The following CPE variants were observed in gnomAD, a reference collection of about 807,000 sequenced individuals.
The protein encoded by CPE is carboxypeptidase E.
Under a neutral mutation model 53.5 loss-of-function variants are expected in CPE, and 17 were observed. The ratio of observed to expected loss-of-function variants is 0.32; its 90% confidence interval spans 0.22 to 0.48. The LOEUF (loss-of-function observed/expected upper bound fraction) is 0.48. Among genes scored for constraint, CPE ranks in the 20% least tolerant of loss-of-function variants. The pLI is 0.99. For synonymous variants in CPE, 226 were observed against 228.8 expected, an observed-to-expected ratio of 0.99 and a Z score of 0.11; for missense variants, 524 against 614.7, an observed-to-expected ratio of 0.85 and a Z score of 1.56.
At chr4:165,495,743 C>A in intron 8 of CPE, 66 bp downstream of exon 8, 2 of 1,138,070 alleles carry the variant, frequency 1.8e-6, no homozygotes, top group Non-Finnish European at 2.6e-6. Context: ...GTCAGGCATA[C>A]TGAAGTGATT....
In CPE at chr4:165,445,873, A is replaced by G. The variant is rs866519683; in HGVS notation, c.308-18517A>G. On this transcript the variant is annotated intron_variant, in intron 1 of 8. Transcript: ENST00000402744. The stretch of plus-strand genomic sequence containing the variant: ...CTACTGGCTATTAATACATGGTTCT[A>G]AGATTCTTTTAGCAAAACAGCTTGA... 3.3e-5 allele frequency among the ~76,000 whole-genome samples: 5 copies of G among 152,096 alleles called. No individual in the cohort carries two copies. In the South Asian group the frequency reaches 1.0e-3, roughly 32 times the overall value.
intron 5 of CPE, among the ~76,000 whole-genome samples, chr4:165,486,207 G>GT (rs1296271710): frequency 3.0e-5 from 4 of 133,410 alleles, no homozygotes; most frequent in East Asian, 2.3e-4. Context: ...TGGAAAAGGG[G>GT]TGGGGGGGTA....
intron 1 of CPE, among the ~76,000 whole-genome samples, chr4:165,409,158 A>G (rs1221353009): frequency 6.6e-6 from 1 of 152,148 alleles, no homozygotes; most frequent in Non-Finnish European, 1.5e-5. Flanking sequence ...GAGAGCACTT[A>G]AGTGTCAGAT....
chr4:165,485,688 ATAAAG>A (rs1434730963), intron 5 of CPE, among the ~76,000 whole-genome samples: 12 of 152,210 alleles, frequency 7.9e-5, no homozygotes, highest in Admixed American at 5.2e-4. Context: ...TCAACAAAAT[ATAAAG>A]TAATCTATAT....
intron 1 of CPE, among the ~76,000 whole-genome samples, chr4:165,416,613 G>T (rs899899607): frequency 1.3e-5 from 2 of 151,652 alleles, no homozygotes; most frequent in African/African-American, 4.8e-5. Context: ...CGTTTCCTCT[G>T]CTTGGACTGG....
chr4:165,494,022 T>C (rs956458008), intron 7 of CPE, among the ~76,000 whole-genome samples: 2 of 152,246 alleles, frequency 1.3e-5, no homozygotes, highest in South Asian at 2.1e-4. Flanking sequence ...CTTTAACTTA[T>C]GTCCCAAACC....
chr4:165,386,110 T>C (rs11100610), intron 1 of CPE: 204,896 of 372,180 alleles, frequency 0.55, 58,720 homozygotes, highest in African/African-American at 0.77. Flanking sequence ...CTTCTCTCTA[T>C]CTCCCAAATT....
chr4:165,396,321 G>GGGCTTCTGC (rs1730766071), intron 1 of CPE, among the ~76,000 whole-genome samples: 1 of 152,114 alleles, frequency 6.6e-6, no homozygotes, highest in Non-Finnish European at 1.5e-5. Flanking sequence ...CTTTGAGATA[G>GGGCTTCTGC]ATCTAAAGAA....
intron 1 of CPE, among the ~76,000 whole-genome samples, chr4:165,450,494 C>T (rs888718347): frequency 6.6e-6 from 1 of 151,990 alleles, no homozygotes; most frequent in Non-Finnish European, 1.5e-5. Flanking sequence ...GTGAGAGAAC[C>T]ATAAACAAAA....
At chr4:165,424,125 A>AT (rs71602591) in intron 1 of CPE, among the ~76,000 whole-genome samples, 161 of 150,534 alleles carry the variant, frequency 1.1e-3, no homozygotes, top group Middle Eastern at 0.01. Context: ...TTCTTGCTGC[A>AT]TTTTTTTTTA....
At position 165,459,201 on chromosome 4, in the gene CPE, A is replaced by T. The variant is rs117264281; in HGVS notation, c.308-5189A>T. Among the ~76,000 whole-genome samples, 235 of 152,370 alleles carry T rather than the reference A, an allele frequency of 1.5e-3. 5 individuals are homozygous for T. In the East Asian group the frequency reaches 0.044, roughly 28 times the overall value. On this transcript the variant is annotated intron_variant, in intron 1 of 8. Transcript: ENST00000402744. Reference sequence around the variant, plus strand: ...TACAAATTGGGGCAAATTAAGAGTTACAAGTCTGGACTTAAAATCATTTGC... The same window carrying T: ...TACAAATTGGGGCAAATTAAGAGTTTCAAGTCTGGACTTAAAATCATTTGC...
intron 1 of CPE, among the ~76,000 whole-genome samples, chr4:165,431,880 A>G (rs556579862): frequency 6.6e-6 from 1 of 152,316 alleles, no homozygotes; most frequent in African/African-American, 2.4e-5. Context: ...TAAAGCAGAC[A>G]TTCCTATGTG....
At chr4:165,387,311 C>T (rs567240864) in intron 1 of CPE, among the ~76,000 whole-genome samples, 33 of 152,178 alleles carry the variant, frequency 2.2e-4, no homozygotes, top group South Asian at 2.1e-3. Context: ...GATAATACAC[C>T]GTGGAACAAC....
chr4:165,487,653 A>C (rs1732530991), intron 6 of CPE, 76 bp downstream of exon 6: 5 of 1,504,816 alleles, frequency 3.3e-6, no homozygotes, highest in Non-Finnish European at 4.5e-6. Context: ...TTGTAAGAGG[A>C]GTCCAGGAGA....
intron 1 of CPE, among the ~76,000 whole-genome samples, chr4:165,395,181 A>G (rs1730743643): frequency 6.6e-6 from 1 of 152,224 alleles, no homozygotes; most frequent in East Asian, 1.9e-4. Flanking sequence ...GTGTGTTCTC[A>G]TATGAGCAGG....
chr4:165,389,024 T>TA lies in CPE; in HGVS notation c.307+9497dup, dbSNP rs1488748212. The stretch of plus-strand genomic sequence containing the variant: ...AACTCCACAAAATCAACAAGACCTT[T>TA]ATAGAGCTCACACAAAGAGAAATCA... On this transcript the variant is annotated intron_variant, in intron 1 of 8. Transcript: ENST00000402744. Among the ~76,000 whole-genome samples the TA allele has an allele frequency of 5.9e-5, 9 of 152,310 alleles. No homozygotes were observed. In the East Asian group the frequency reaches 1.7e-3, roughly 29 times the overall value.
chr4:165,447,182 T>C (rs1320262389), intron 1 of CPE, among the ~76,000 whole-genome samples: 1 of 152,222 alleles, frequency 6.6e-6, no homozygotes, highest in Non-Finnish European at 1.5e-5. Context: ...GGTGAGTTAG[T>C]GAGTGCTGAA....
chr4:165,421,435 A>C (rs1437782816), intron 1 of CPE, among the ~76,000 whole-genome samples: 1 of 152,182 alleles, frequency 6.6e-6, no homozygotes, highest in Admixed American at 6.5e-5. Context: ...GCTGGACTTG[A>C]CATTTGTAAC....
At chr4:165,393,828 C>G (rs1175274857) in intron 1 of CPE, among the ~76,000 whole-genome samples, 2 of 152,170 alleles carry the variant, frequency 1.3e-5, no homozygotes, top group East Asian at 3.9e-4. Flanking sequence ...GGCGGATAGA[C>G]AGGGCCTAGG....
Sources: allele counts gnomAD v4.1 joint callset (sites outside exome capture counted in the v4.1 genomes callset), GRCh38; gene constraint gnomAD v4.1.1; transcripts MANE v1.5; gene names NCBI Gene and HGNC (gene_info 2026-07-23, HGNC 2026-07-21).